Variants in PCDHA7 observed in about 807,000 individuals in gnomAD.
PCDHA7 encodes protocadherin alpha 7.
Under a neutral mutation model 57.2 loss-of-function variants are expected in PCDHA7, and 37 were observed. That is an observed-to-expected ratio of 0.65 (90% confidence interval 0.50 to 0.85). PCDHA7 has a LOEUF of 0.85. PCDHA7 is among the 40% of genes least tolerant of loss of function. The pLI, the probability that PCDHA7 is intolerant of heterozygous loss-of-function variation, is 0.00. For missense variants in PCDHA7, 1,188 were observed against 1,241.8 expected, an observed-to-expected ratio of 0.96 and a Z score of 0.65; for synonymous variants, 553 against 558.8, an observed-to-expected ratio of 0.99 and a Z score of 0.15.
At chr5:140,875,828 T>G (rs1259125673) in intron 1 of PCDHA7, 10 of 1,614,196 alleles carry the variant, frequency 6.2e-6, no homozygotes, top group Middle Eastern at 1.6e-4. Context: ...GTTTTCCATG[T>G]GGACGTGGAG....
chr5:140,965,990 G>A (rs1292240100), intron 1 of PCDHA7, among the ~76,000 whole-genome samples: 4 of 152,194 alleles, frequency 2.6e-5, no homozygotes, highest in African/African-American at 9.6e-5. Context: ...ACTTTCTGCA[G>A]TACTTAAGAG....
At chr5:140,994,726 G>A (rs774837274) in intron 3 of PCDHA7, among the ~76,000 whole-genome samples, 1 of 151,958 alleles carries the variant, frequency 6.6e-6, no homozygotes, top group Non-Finnish European at 1.5e-5. Flanking sequence ...TAAAATACTG[G>A]GTATTGCAGG....
In PCDHA7 at chr5:140,849,164, T is replaced by A. The variant is rs2150431781; in HGVS notation, c.2355+12426T>A. On this transcript the variant is annotated intron_variant, in intron 1 of 3. Transcript: ENST00000525929. The stretch of plus-strand genomic sequence containing the variant: ...CCGATGGAGGCAAACCCGAGCTGAC[T>A]GGCACCGTTCAATTACTCATCACGG... 2.2e-5 allele frequency: 26 copies of A among 1,167,304 alleles called. No homozygotes were observed. In the East Asian group the frequency reaches 6.1e-4, roughly 28 times the overall value. 72.3% of individuals were successfully genotyped at this position (1,167,304 alleles called of 1,614,324 possible).
intron 1 of PCDHA7, among the ~76,000 whole-genome samples, chr5:140,944,319 C>T (rs1386940921): frequency 6.6e-6 from 1 of 152,104 alleles, no homozygotes. Context: ...TCCTGAGTAG[C>T]TGGGATTACA....
Position 140,834,318 on chromosome 5 carries a change from A to T in PCDHA7, c.-66A>T. On this transcript the variant is annotated 5_prime_UTR_variant, in exon 1 of 4. Transcript: ENST00000525929. Reference sequence around the variant, plus strand: ...CACACATCGAGATTGAAATGAAGGGATAAAAACATTCCTATAAATTCGAAG... The same window carrying T: ...CACACATCGAGATTGAAATGAAGGGTTAAAAACATTCCTATAAATTCGAAG... 1 of 1,413,328 alleles carries T rather than the reference A, an allele frequency of 7.1e-7. No individual in the cohort carries two copies. The highest frequency in any genetic ancestry group is 1.4e-5 in the South Asian group (1 of 73,810). 87.5% of individuals were successfully genotyped at this position (1,413,328 alleles called of 1,614,324 possible).
rs151115812 is a variant in PCDHA7, at chr5:140,834,685, A to G, written c.302A>G (p.Glu101Gly). 2.2e-3 allele frequency: 3,569 copies of G among 1,614,218 alleles called. 59 individuals carry two copies. The African/African-American group carries it at 0.04, about 18-fold the overall frequency. The stretch of plus-strand genomic sequence containing the variant: ...GAGGAGCTGTGCGGGCGGAGCGCGG[A>G]GTGCAGCATCCACCTGGAGGTGATC... The part of the protein sequence containing the change: ...DREELCGRSA[E>G]CSIHLEVIVE... Residue 101 changes from glutamate (E) to glycine (G), a missense_variant, in exon 1 of 4, where the codon GAG becomes GGG. By Grantham distance (98) the Glu-to-Gly change is moderately conservative. Around this residue, in one of 3 missense-constraint regions of PCDHA7, gnomAD observed 194 missense variants for 185.8 expected, o/e 1.04. Coordinates refer to ENST00000525929, the MANE Select transcript of PCDHA7 (RefSeq NM_018910.3).
chr5:140,941,248 T>TTTCTTTCC (rs1563187616), intron 1 of PCDHA7, among the ~76,000 whole-genome samples: 1 of 141,492 alleles, frequency 7.1e-6, no homozygotes, highest in African/African-American at 2.6e-5. Context: ...TCTTTCTTTC[T>TTTCTTTCC]TTCTTTCTCT....
intron 1 of PCDHA7, chr5:140,850,613 G>T: frequency 6.3e-7 from 1 of 1,598,580 alleles, no homozygotes; most frequent in South Asian, 1.1e-5. Flanking sequence ...CCATCTGCGC[G>T]GTGTCTAGCC....
At chr5:140,880,582 A>G (rs2058391478) in intron 1 of PCDHA7, among the ~76,000 whole-genome samples, 1 of 152,230 alleles carries the variant, frequency 6.6e-6, no homozygotes, top group South Asian at 2.1e-4. Flanking sequence ...GAAGAGAGGA[A>G]AGAGAATATG....
intron 1 of PCDHA7, among the ~76,000 whole-genome samples, chr5:140,896,522 G>A (rs1228394123): frequency 6.7e-6 from 1 of 149,268 alleles, no homozygotes; most frequent in Non-Finnish European, 1.5e-5. Context: ...ACACCACAAA[G>A]CCCAGCTATT....
chr5:140,840,057 T>C (rs1217899995), intron 1 of PCDHA7, among the ~76,000 whole-genome samples: 1 of 152,054 alleles, frequency 6.6e-6, no homozygotes, highest in Non-Finnish European at 1.5e-5. Flanking sequence ...TCTAATGTCT[T>C]GACAATTAGT....
At position 140,838,745 on chromosome 5, in the gene PCDHA7, G is replaced by A. The variant is rs12655588; in HGVS notation, c.2355+2007G>A. Among the ~76,000 whole-genome samples the A allele has an allele frequency of 3.5e-3, 537 of 152,028 alleles. 21 individuals are homozygous for A. In the East Asian group the frequency reaches 0.074, roughly 21 times the overall value. On this transcript the variant is annotated intron_variant, in intron 1 of 3. Coordinates refer to ENST00000525929, the MANE Select transcript of PCDHA7 (RefSeq NM_018910.3). ...CAGTCTAGTAGTTTGAGACCAGCTT[G>A]TGCATCTTTTGTAGAGACTTTGTAA...
intron 1 of PCDHA7, among the ~76,000 whole-genome samples, chr5:140,937,239 G>C (rs1331547271): frequency 2.0e-5 from 3 of 151,804 alleles, no homozygotes; most frequent in African/African-American, 7.3e-5. Context: ...GGGTTTCACC[G>C]TGTTAGCCAG....
chr5:140,859,865 C>T (rs2046056665), intron 1 of PCDHA7: 1 of 151,972 alleles, frequency 6.6e-6, no homozygotes, highest in African/African-American at 2.4e-5. Context: ...GAAATATATA[C>T]TTCCCCCTCT....
intron 1 of PCDHA7, chr5:140,871,269 G>C (rs782046462): frequency 5.0e-6 from 8 of 1,613,822 alleles, no homozygotes; most frequent in Admixed American, 1.7e-5. Flanking sequence ...CGCTGTGGTG[G>C]TCGGCAACGC....
At chr5:140,991,277 C>G (rs1210642530) in intron 3 of PCDHA7, among the ~76,000 whole-genome samples, 1 of 152,148 alleles carries the variant, frequency 6.6e-6, no homozygotes, top group African/African-American at 2.4e-5. Flanking sequence ...CTGCTGAACT[C>G]TATACACTTA....
At chr5:140,849,603 G>T in intron 1 of PCDHA7, 1 of 1,598,696 alleles carries the variant, frequency 6.3e-7, no homozygotes, top group Non-Finnish European at 8.6e-7. Context: ...GACAGTTATT[G>T]CCCTGATTAG....
chr5:140,940,770 T>A (rs560965178), intron 1 of PCDHA7, among the ~76,000 whole-genome samples: 5 of 152,270 alleles, frequency 3.3e-5, no homozygotes, highest in Non-Finnish European at 7.3e-5. Context: ...ATTTGACTTT[T>A]GATGGTCCAT....
At chr5:140,897,240 A>T (rs1475170855) in intron 1 of PCDHA7, among the ~76,000 whole-genome samples, 5 of 151,908 alleles carry the variant, frequency 3.3e-5, no homozygotes, top group Non-Finnish European at 5.9e-5. Flanking sequence ...TGTGCAGGTT[A>T]GTTACATATG....
Sources: gnomAD v4.1 joint callset for allele counts (sites outside exome capture counted in the v4.1 genomes callset) on GRCh38, gnomAD v4.1.1 for gene constraint, gnomAD v4.1.1 regional missense constraint, MANE v1.5 for transcripts, NCBI Gene and HGNC (gene_info 2026-07-23, HGNC 2026-07-21) for gene names.